The following CDKL2 variants were observed in gnomAD, a reference collection of about 807,000 sequenced individuals.
CDKL2 encodes the protein cyclin dependent kinase like 2.
Under a neutral mutation model 63.9 loss-of-function variants are expected in CDKL2, and 64 were observed. The observed-to-expected ratio is 1.00, with a 90% CI of 0.82 to 1.23. The LOEUF is 1.23. Among genes scored for constraint, CDKL2 ranks in the 50% most tolerant of loss-of-function variants. The pLI, the probability that CDKL2 is intolerant of heterozygous loss-of-function variation, is 0.00. For missense variants in CDKL2, 656 were observed against 668.0 expected, an observed-to-expected ratio of 0.98 and a Z score of 0.20; for synonymous variants, 211 against 229.2, an observed-to-expected ratio of 0.92 and a Z score of 0.72.
At position 75,580,904 on chromosome 4, in the gene CDKL2, G is replaced by C. The variant is rs986998979; in HGVS notation, c.*23+906C>G. The stretch of plus-strand genomic sequence containing the variant: ...TTTAGTAGAGACGGGGTTTCACCGT[G>C]TTAGCCAGGATGGTCTCGATCTCCT... On this transcript the variant is annotated intron_variant, in intron 13 of 13. Transcript: ENST00000307465. Among the ~76,000 whole-genome samples, 17 of 151,632 alleles carry C rather than the reference G, an allele frequency of 1.1e-4. 1 individual carries two copies. Among genetic ancestry groups the C allele is most frequent in the South Asian group, 4.2e-4 (2 of 4,800 alleles).
At chr4:75,609,135 T>G (rs1310403603) in intron 3 of CDKL2, among the ~76,000 whole-genome samples, 1 of 152,216 alleles carries the variant, frequency 6.6e-6, no homozygotes, top group Non-Finnish European at 1.5e-5. Flanking sequence ...AAAGTTAGTT[T>G]TAATGGAATA....
chr4:75,610,186 G>A (rs896440447), intron 3 of CDKL2, among the ~76,000 whole-genome samples: 5 of 146,086 alleles, frequency 3.4e-5, no homozygotes, highest in African/African-American at 1.3e-4. Flanking sequence ...CTGGGCGACA[G>A]AGCGAGCCTC....
At chr4:75,597,324 C>T in intron 8 of CDKL2, 88 bp from the exon 9 acceptor site, 1 of 793,458 alleles carries the variant, frequency 1.3e-6, no homozygotes, top group Non-Finnish European at 2.0e-6. Context: ...TCAACTAGAG[C>T]AGAATATCAT....
chr4:75,602,620 C>T (rs1335585245), intron 6 of CDKL2, among the ~76,000 whole-genome samples: 1 of 152,074 alleles, frequency 6.6e-6, no homozygotes, highest in African/African-American at 2.4e-5. Context: ...CTCCTGGGTT[C>T]AAGTGATTCT....
At chr4:75,603,101 G>A (rs1324048769) in intron 6 of CDKL2, among the ~76,000 whole-genome samples, 1 of 142,276 alleles carries the variant, frequency 7.0e-6, no homozygotes, top group Non-Finnish European at 1.5e-5. Context: ...CCGGGTTCAC[G>A]CCATTCTCCT....
chr4:75,596,281 G>A lies in CDKL2; in HGVS notation c.1382C>T (p.Pro461Leu). 6.2e-7 allele frequency: 1 copy of A among 1,611,828 alleles called. No individual in the cohort carries two copies. Among genetic ancestry groups the A allele is most frequent in the Non-Finnish European group, 8.5e-7 (1 of 1,177,956 alleles). Residue 461 changes from proline to leucine, a missense_variant, in exon 10 of 14, where the codon CCA becomes CTA. Physicochemically the swap from Pro to Leu is moderately conservative, Grantham distance 98. Transcript: ENST00000307465. ...IPFVKPNRHS[P>L]SGIYNINVTT... ...CACATTAATGTTATAAATGCCTGATGGGGAATGTCTGTTCGGTTTAACAAA... is the reference window on the plus strand; with the variant it reads ...CACATTAATGTTATAAATGCCTGATAGGGAATGTCTGTTCGGTTTAACAAA...
In CDKL2 at chr4:75,581,215, T is replaced by C. The variant is rs372693398; in HGVS notation, c.*23+595A>G. 7.2e-5 allele frequency among the ~76,000 whole-genome samples: 11 copies of C among 152,310 alleles called. No homozygotes were observed. In the South Asian group the frequency reaches 2.3e-3, roughly 32 times the overall value. On this transcript the variant is annotated intron_variant, in intron 13 of 13. Coordinates refer to ENST00000307465, the MANE Select transcript of CDKL2 (RefSeq NM_001330724.2). Reference sequence around the variant, plus strand: ...CCTAGTGACATTGTAGCTAGTAACATCATAGTGCAATGCATTACCTTTTCT... The same window carrying C: ...CCTAGTGACATTGTAGCTAGTAACACCATAGTGCAATGCATTACCTTTTCT...
intron 11 of CDKL2, 94 bp from the exon 12 acceptor site, chr4:75,592,019 T>C: frequency 7.8e-7 from 1 of 1,289,742 alleles, no homozygotes; most frequent in South Asian, 1.4e-5. Flanking sequence ...AGTATGTACT[T>C]ATTATAACAG....
At chr4:75,594,671 C>T (rs528996083) in intron 10 of CDKL2, among the ~76,000 whole-genome samples, 1 of 152,170 alleles carries the variant, frequency 6.6e-6, no homozygotes, top group South Asian at 2.1e-4. Flanking sequence ...TACAAGACTT[C>T]ACAGTAAGGT....
chr4:75,612,872 C>T (rs6818949), intron 3 of CDKL2, among the ~76,000 whole-genome samples: 46,249 of 152,116 alleles, frequency 0.3, 8,178 homozygotes, highest in East Asian at 0.77. Context: ...CGCCTGTAAT[C>T]CCAGTACTTT....
chr4:75,581,976 G>A (rs1728284042), intron 12 of CDKL2, 78 bp from the exon 13 acceptor site: 1 of 908,052 alleles, frequency 1.1e-6, no homozygotes, highest in Non-Finnish European at 1.8e-6. Flanking sequence ...AATTCTATTT[G>A]TTCAAATATT....
chr4:75,596,835 G>C, intron 9 of CDKL2, 100 bp downstream of exon 9: 1 of 1,024,804 alleles, frequency 9.8e-7, no homozygotes, highest in Non-Finnish European at 1.4e-6. Flanking sequence ...ATAGCATCCA[G>C]AATTCTGAGA....
chr4:75,619,577 T>TAAAAA (rs71203836), intron 2 of CDKL2, among the ~76,000 whole-genome samples: 194 of 77,994 alleles, frequency 2.5e-3, no homozygotes, highest in Non-Finnish European at 2.8e-3. Flanking sequence ...CACAGCTGTA[T>TAAAAA]AAAAAAAAAA....
intron 10 of CDKL2, 148 bp from the exon 11 acceptor site, chr4:75,592,417 A>G: frequency 1.8e-6 from 1 of 561,554 alleles, no homozygotes. Context: ...TAATACAAAA[A>G]AAATTCATCC....
chr4:75,609,610 T>C (rs1301497397), intron 3 of CDKL2, among the ~76,000 whole-genome samples: 4 of 147,184 alleles, frequency 2.7e-5, no homozygotes. Context: ...TCAAAAAATA[T>C]ATATATAAAA....
At chr4:75,611,644 G>T (rs1404398032) in intron 3 of CDKL2, among the ~76,000 whole-genome samples, 8 of 151,350 alleles carry the variant, frequency 5.3e-5, no homozygotes, top group Admixed American at 2.6e-4. Flanking sequence ...AAGCTTAGCA[G>T]GGAACCACCT....
At chr4:75,617,538 T>C (rs979556915) in intron 2 of CDKL2, among the ~76,000 whole-genome samples, 29 of 152,032 alleles carry the variant, frequency 1.9e-4, no homozygotes, top group African/African-American at 7.0e-4. Context: ...CCAACAAAAA[T>C]GCCCCAAAAC....
At chr4:75,625,456 C>T (rs937709605) in intron 2 of CDKL2, among the ~76,000 whole-genome samples, 1 of 151,938 alleles carries the variant, frequency 6.6e-6, no homozygotes, top group African/African-American at 2.4e-5. Flanking sequence ...TCCTTAAATG[C>T]ATATTTGAGG....
At chr4:75,606,601 T>C (rs1006206414) in intron 4 of CDKL2, among the ~76,000 whole-genome samples, 3 of 152,174 alleles carry the variant, frequency 2.0e-5, no homozygotes, top group Non-Finnish European at 4.4e-5. Context: ...AACAACTACC[T>C]TAAAATGCTT....
Sources: gnomAD v4.1 joint callset for allele counts (sites outside exome capture counted in the v4.1 genomes callset) on GRCh38, gnomAD v4.1.1 for gene constraint, MANE v1.5 for transcripts, NCBI Gene and HGNC (gene_info 2026-07-23, HGNC 2026-07-21) for gene names.